SGK1: variants seen among roughly 807,000 people sequenced by gnomAD.
SGK1 encodes the protein serine/threonine-protein kinase Sgk1.
A neutral mutation model predicts 64.2 loss-of-function variants in SGK1; 26 were observed. That is an observed-to-expected ratio of 0.40 (90% CI 0.30 to 0.56). The LOEUF (loss-of-function observed/expected upper bound fraction) is 0.56, where lower values mean the gene tolerates loss of function less well. SGK1 is among the 20% of genes least tolerant of loss of function. SGK1 has a pLI of 0.38. For missense variants in SGK1, 519 were observed against 645.6 expected (o/e 0.80, Z 2.12); for synonymous variants, 265 against 239.7 (o/e 1.11, Z -0.98).
intron 4 of SGK1, 152 bp from the exon 5 acceptor site, chr6:134,174,232 T>C (rs181538650): frequency 1.6e-6 from 1 of 621,472 alleles, no homozygotes; most frequent in Non-Finnish European, 2.8e-6. Flanking sequence ...TTAAAGAAAA[T>C]AATAAACCCC....
chr6:134,206,198 C>A (rs1775765325), intron 3 of SGK1, among the ~76,000 whole-genome samples: 1 of 151,524 alleles, frequency 6.6e-6, no homozygotes, highest in African/African-American at 2.4e-5. Flanking sequence ...AAATCTCTTC[C>A]TTGCCCTAGA....
chr6:134,230,734 C>T (rs960470840), intron 2 of SGK1, among the ~76,000 whole-genome samples: 2 of 152,186 alleles, frequency 1.3e-5, no homozygotes, highest in Non-Finnish European at 2.9e-5. Context: ...ATAAATTAGG[C>T]TGAGAGCAGT....
chr6:134,232,425 A>AGAGAG (rs1562259726), intron 2 of SGK1, among the ~76,000 whole-genome samples: 5 of 41,976 alleles, frequency 1.2e-4, no homozygotes, highest in African/African-American at 2.7e-4. Flanking sequence ...GAAAGAAAGA[A>AGAGAG]AGAAAGAAAG....
intron 3 of SGK1, chr6:134,177,513 A>C: frequency 2.9e-6 from 2 of 689,738 alleles, no homozygotes; most frequent in East Asian, 2.7e-5. Context: ...CAACCTGCAC[A>C]CAGACTTTTG....
intron 1 of SGK1, among the ~76,000 whole-genome samples, chr6:134,264,873 C>A (rs568690465): frequency 6.6e-6 from 1 of 152,122 alleles, no homozygotes; most frequent in Admixed American, 6.6e-5. Context: ...GTCTTAAACT[C>A]CTGGCCTTAG....
intron 1 of SGK1, among the ~76,000 whole-genome samples, chr6:134,289,342 T>A (rs1262385205): frequency 6.6e-5 from 10 of 152,238 alleles, no homozygotes; most frequent in Admixed American, 6.5e-4. Flanking sequence ...AACAAGCTAG[T>A]GTTCCCTGGG....
At chr6:134,224,895 C>T (rs967970127) in intron 2 of SGK1, among the ~76,000 whole-genome samples, 8 of 150,930 alleles carry the variant, frequency 5.3e-5, no homozygotes, top group African/African-American at 1.9e-4. Context: ...GTAGCACATG[C>T]CTGTAATCGC....
At chr6:134,250,669 A>G (rs1297397812) in intron 2 of SGK1, among the ~76,000 whole-genome samples, 1 of 152,200 alleles carries the variant, frequency 6.6e-6, no homozygotes, top group Admixed American at 6.5e-5. Context: ...TTTTCTGTAG[A>G]AGATTTGTAA....
chr6:134,277,284 T>G (rs920058224), intron 1 of SGK1, among the ~76,000 whole-genome samples: 1 of 152,124 alleles, frequency 6.6e-6, no homozygotes, highest in Non-Finnish European at 1.5e-5. Flanking sequence ...ATCGTACCAC[T>G]GCACTCCAGC....
chr6:134,282,167 T>A (rs534237681), intron 1 of SGK1, among the ~76,000 whole-genome samples: 27 of 152,286 alleles, frequency 1.8e-4, no homozygotes, highest in African/African-American at 6.3e-4. Context: ...GTTCTGATTT[T>A]ATTTAATTTT....
chr6:134,240,786 A>G (rs950691217), intron 2 of SGK1, among the ~76,000 whole-genome samples: 5 of 152,232 alleles, frequency 3.3e-5, no homozygotes, highest in African/African-American at 1.2e-4. Flanking sequence ...CGATTACATC[A>G]GGCACCAAGA....
intron 3 of SGK1, among the ~76,000 whole-genome samples, chr6:134,189,223 T>TGTGTGTGCGC (rs751805559): frequency 5.3e-5 from 8 of 149,708 alleles, no homozygotes; most frequent in East Asian, 3.9e-4. Flanking sequence ...TGTGTGTGTG[T>TGTGTGTGCGC]GTGTGCGTGT....
At chr6:134,175,017 G>A in intron 3 of SGK1, 2 of 1,002,722 alleles carry the variant, frequency 2.0e-6, no homozygotes, top group Non-Finnish European at 2.7e-6. Context: ...TGCGGCGGGC[G>A]GTTCTGTCCC....
chr6:134,171,347 CGTGT>C (rs995295582), intron 11 of SGK1, 169 bp from the exon 12 acceptor site: 3 of 682,252 alleles, frequency 4.4e-6, no homozygotes, highest in South Asian at 1.9e-5. Flanking sequence ...CTTTGCAACC[CGTGT>C]GTGTGTTTGT....
At position 134,183,159 on chromosome 6, in the gene SGK1, A is replaced by G. The variant is rs140050757; in HGVS notation, c.362-8573T>C. 6.8e-3 allele frequency among the ~76,000 whole-genome samples: 1,042 copies of G among 152,278 alleles called. 10 individuals carry two copies. Among genetic ancestry groups the G allele is most frequent in the African/African-American group, 0.024 (986 of 41,558 alleles). ...CAGATCTCTGTGGTGCACCTCTTTCATTTACTGATTTATTGTATTGATATA... is the reference window on the plus strand; with the variant it reads ...CAGATCTCTGTGGTGCACCTCTTTCGTTTACTGATTTATTGTATTGATATA... On this transcript the variant is annotated intron_variant, in intron 3 of 13. Transcript: ENST00000367858.
At chr6:134,199,271 T>C (rs1410056339) in intron 3 of SGK1, among the ~76,000 whole-genome samples, 1 of 152,072 alleles carries the variant, frequency 6.6e-6, no homozygotes, top group African/African-American at 2.4e-5. Flanking sequence ...AGAGCTTACC[T>C]ATGCTGGCCC....
In SGK1 at chr6:134,235,539, ATTTTTATTTATT is replaced by A. The variant is rs1189136355; in HGVS notation, c.285+26382_285+26393del. On this transcript the variant is annotated intron_variant, in intron 2 of 13. Transcript: ENST00000367858. ...CAAGGAGGAAGTGGAAAAAATAGAT[ATTTTTATTTATT>A]TATTTATTTATTTATTTATTTATTT... Among the ~76,000 whole-genome samples the A allele has an allele frequency of 2.0e-4, 26 of 131,828 alleles. 1 individual carries two copies. The South Asian group carries it at 4.2e-3, about 21-fold the overall frequency. The allele number at this position is 131,828 out of a possible 152,430, so 86.5% of individuals were successfully genotyped here.
intron 2 of SGK1, among the ~76,000 whole-genome samples, chr6:134,223,156 G>T (rs542225017): frequency 6.6e-6 from 1 of 152,156 alleles, no homozygotes; most frequent in East Asian, 1.9e-4. Context: ...ATCACCTGAG[G>T]TTGGGAGTTC....
At chr6:134,260,311 C>T (rs1776744649) in intron 2 of SGK1, 1 of 151,358 alleles carries the variant, frequency 6.6e-6, no homozygotes, top group African/African-American at 2.4e-5. Flanking sequence ...GATTGCACTA[C>T]TGCACTCAAG....
Sources: gnomAD v4.1 joint callset for allele counts (sites outside exome capture counted in the v4.1 genomes callset) on GRCh38, gnomAD v4.1.1 for gene constraint, MANE v1.5 for transcripts, NCBI Gene and HGNC (gene_info 2026-07-23, HGNC 2026-07-21) for gene names.